Variants in PCNX1 observed in about 807,000 individuals in gnomAD.
PCNX1 encodes the protein pecanex 1.
A neutral mutation model predicts 242.2 loss-of-function variants in PCNX1; 78 were observed. The ratio of observed to expected loss-of-function variants is 0.32; its 90% CI spans 0.27 to 0.39. PCNX1 has a LOEUF of 0.39. Among genes scored for constraint, PCNX1 ranks in the 10% least tolerant of loss-of-function variants. The pLI, the probability that PCNX1 is intolerant of heterozygous loss-of-function variation, is 1.00. For missense variants in PCNX1, 2,581 were observed against 2,856.5 expected, an observed-to-expected ratio of 0.90 and a Z score of 2.20; for synonymous variants, 1,024 against 1,032.9, an observed-to-expected ratio of 0.99 and a Z score of 0.17.
intron 26 of PCNX1, among the ~76,000 whole-genome samples, chr14:71,071,702 A>G (rs939174477): frequency 6.6e-6 from 1 of 152,220 alleles, no homozygotes; most frequent in Non-Finnish European, 1.5e-5. Context: ...TTTTCATTAC[A>G]AATTACCCTG....
chr14:70,959,361 T>C (rs993499899), intron 2 of PCNX1, among the ~76,000 whole-genome samples: 4 of 145,096 alleles, frequency 2.8e-5, no homozygotes, highest in Non-Finnish European at 4.6e-5. Context: ...GTATATCTTC[T>C]AATGCTATCC....
intron 9 of PCNX1, among the ~76,000 whole-genome samples, chr14:71,010,367 A>G (rs2059790368): frequency 6.6e-6 from 1 of 152,012 alleles, no homozygotes; most frequent in African/African-American, 2.4e-5. Flanking sequence ...TTCTTTATGT[A>G]ATTTTAAAAT....
intron 32 of PCNX1, among the ~76,000 whole-genome samples, chr14:71,104,649 C>T (rs1329613361): frequency 6.6e-6 from 1 of 152,150 alleles, no homozygotes; most frequent in Non-Finnish European, 1.5e-5. Context: ...TGTTTCCAGG[C>T]CCGGCGCTGT....
rs1241189665 is a variant in PCNX1, at chr14:71,081,376, G to C, written c.5337+4957G>C. 2.6e-5 allele frequency among the ~76,000 whole-genome samples: 4 copies of C among 152,134 alleles called. No homozygotes were observed. In the East Asian group the frequency reaches 7.7e-4, roughly 29 times the overall value. On this transcript the variant is annotated intron_variant, in intron 28 of 35. Transcript: ENST00000304743. ...CAGGTTTTGGTATCAAGATGATGCT[G>C]GTCTCATAAAATGATTAGGGAGGAG...
chr14:70,909,230 T>G (rs1217053263), intron 1 of PCNX1, among the ~76,000 whole-genome samples: 2 of 151,624 alleles, frequency 1.3e-5, no homozygotes, highest in African/African-American at 2.4e-5. Context: ...TTCACATTTT[T>G]CGTTGAAATT....
At chr14:70,968,321 A>C in intron 4 of PCNX1, 78 bp downstream of exon 4, 7 of 763,008 alleles carry the variant, frequency 9.2e-6, no homozygotes, top group South Asian at 3.9e-5. Flanking sequence ...AGTACTGTAC[A>C]TTCAAATGTA....
intron 30 of PCNX1, among the ~76,000 whole-genome samples, chr14:71,090,462 T>TA (rs1172879676): frequency 1.3e-5 from 2 of 152,208 alleles, no homozygotes; most frequent in Non-Finnish European, 2.9e-5. Flanking sequence ...GGAATTAAGT[T>TA]AAAAACCTCA....
At chr14:71,088,601 G>C (rs1036037922) in intron 29 of PCNX1, among the ~76,000 whole-genome samples, 171 bp downstream of exon 29, 1 of 152,086 alleles carries the variant, frequency 6.6e-6, no homozygotes, top group African/African-American at 2.4e-5. Context: ...GTCTTAACTG[G>C]TTAACAGAAC....
chr14:71,045,411 G>A (rs2060831583), intron 20 of PCNX1, 128 bp downstream of exon 20: 1 of 683,946 alleles, frequency 1.5e-6, no homozygotes. Context: ...GCTTAAGTTT[G>A]AAGCCGTTAA....
At chr14:71,072,074 A>G (rs750004170) in intron 26 of PCNX1, among the ~76,000 whole-genome samples, 1 of 152,196 alleles carries the variant, frequency 6.6e-6, no homozygotes, top group Admixed American at 6.6e-5. Context: ...ACAAATCACC[A>G]TTATAGATAC....
At chr14:71,061,998 T>C (rs1398859490) in intron 26 of PCNX1, among the ~76,000 whole-genome samples, 1 of 151,926 alleles carries the variant, frequency 6.6e-6, no homozygotes, top group African/African-American at 2.4e-5. Flanking sequence ...TTTAAGGAGC[T>C]CAACAAGCTC....
At chr14:70,911,344 A>ACTTT (rs58723984) in intron 1 of PCNX1, among the ~76,000 whole-genome samples, 95,791 of 151,524 alleles carry the variant, frequency 0.63, 30,522 homozygotes, top group South Asian at 0.72. Flanking sequence ...CAGTCTTAGG[A>ACTTT]CTTTATAGGA....
rs2058243628 is a variant in PCNX1, at chr14:70,962,299, A to G, written c.436A>G (p.Asn146Asp). The G allele has an allele frequency of 6.2e-7, 1 of 1,613,132 alleles. No homozygotes were observed. The highest frequency in any genetic ancestry group is 1.3e-5 in the African/African-American group (1 of 74,876). Residue 146 changes from asparagine (N) to aspartate (D), a missense_variant, in exon 3 of 36, where the codon AAT (asparagine) becomes GAT (aspartate). Asn to Asp is a conservative substitution (Grantham distance 23). This residue lies in a region of PCNX1 where 1,204 missense variants were observed against 1,216.7 expected (regional missense o/e 0.99). Coordinates refer to ENST00000304743, the MANE Select transcript of PCNX1 (RefSeq NM_014982.3). Reference sequence around the variant, plus strand: ...ACCCCCAGTTGGTTGCAGTTCCAGAAATTCTTATGCCGGTCTAGATCCAAG... The same window carrying G: ...ACCCCCAGTTGGTTGCAGTTCCAGAGATTCTTATGCCGGTCTAGATCCAAG... ...ATPPVGCSSRNSYAGLDPSNQ... is the reference protein window; with the variant it reads ...ATPPVGCSSRDSYAGLDPSNQ...
At chr14:70,951,204 A>G (rs1285729280) in intron 2 of PCNX1, among the ~76,000 whole-genome samples, 1 of 152,070 alleles carries the variant, frequency 6.6e-6, no homozygotes, top group Non-Finnish European at 1.5e-5. Context: ...AGTATACTGT[A>G]TATACTTATG....
At chr14:71,099,762 T>C (rs966253209) in intron 30 of PCNX1, among the ~76,000 whole-genome samples, 3 of 152,238 alleles carry the variant, frequency 2.0e-5, no homozygotes, top group Non-Finnish European at 2.9e-5. Flanking sequence ...GCTCCAATGT[T>C]GGGTGCATAT....
At chr14:70,949,238 T>C (rs186273279) in intron 2 of PCNX1, among the ~76,000 whole-genome samples, 1 of 140,828 alleles carries the variant, frequency 7.1e-6, no homozygotes, top group African/African-American at 2.6e-5. Context: ...TGTATGTGTA[T>C]ATACACACGT....
chr14:70,912,608 T>C (rs2055970963), intron 1 of PCNX1, among the ~76,000 whole-genome samples: 1 of 151,790 alleles, frequency 6.6e-6, no homozygotes, highest in South Asian at 2.1e-4. Context: ...TGTCTGTATC[T>C]AGTTGCTTAT....
In PCNX1 at chr14:71,005,210, A is replaced by G. The variant is rs547182253; in HGVS notation, c.2630-4424A>G. Among the ~76,000 whole-genome samples the G allele has an allele frequency of 2.6e-5, 4 of 152,306 alleles. No individual in the cohort carries two copies. The East Asian group carries it at 5.8e-4, about 22-fold the overall frequency. ...AACTTTAGAAAAATGAGTGATGTCA[A>G]GAATGCAACAGGCTGGGCGTGGTGG... is the stretch of plus-strand genomic sequence containing the variant. On this transcript the variant is annotated intron_variant, in intron 8 of 35. Coordinates refer to ENST00000304743, the MANE Select transcript of PCNX1 (RefSeq NM_014982.3).
chr14:71,037,118 T>C (rs1288429137), intron 19 of PCNX1, among the ~76,000 whole-genome samples: 2 of 152,050 alleles, frequency 1.3e-5, no homozygotes, highest in African/African-American at 4.8e-5. Context: ...GGAATGCTTG[T>C]GATTTTTGCA....
Sources: gnomAD v4.1 joint callset for allele counts (sites outside exome capture counted in the v4.1 genomes callset) on GRCh38, gnomAD v4.1.1 for gene constraint, gnomAD v4.1.1 regional missense constraint, MANE v1.5 for transcripts, NCBI Gene and HGNC (gene_info 2026-07-23, HGNC 2026-07-21) for gene names.